The following NRG1 variants were observed in gnomAD, a reference collection of about 807,000 sequenced individuals.
The protein encoded by NRG1 is neuregulin 1, also known as pro-neuregulin-1, membrane-bound isoform.
A neutral mutation model predicts 63.8 loss-of-function variants in NRG1; 18 were observed. That is an observed-to-expected ratio of 0.28 (90% CI 0.19 to 0.42). NRG1 has a LOEUF of 0.42. Among genes scored for constraint, NRG1 ranks in the 10% least tolerant of loss-of-function variants. NRG1 has a pLI of 1.00. For synonymous variants in NRG1, 302 were observed against 301.3 expected (o/e 1.00, Z -0.02); for missense variants, 762 against 814.7 (o/e 0.94, Z 0.79).
In NRG1 at chr8:31,909,231, C is replaced by CCAT. The variant is rs1208338286; in HGVS notation, c.37+269801_37+269803dup. On this transcript the variant is annotated intron_variant, in intron 1 of 10. Coordinates refer to the NRG1 transcript ENST00000519301. ...GAAATAAAACAATAATACTGCCTTA[C>CCAT]CATTGTAGGTCATTTTATAGTTTCC... Among the ~76,000 whole-genome samples, 10 of 152,084 alleles carry CCAT rather than the reference C, an allele frequency of 6.6e-5. 1 individual carries two copies. The highest frequency in any genetic ancestry group is 1.0e-4 in the Non-Finnish European group (7 of 68,016).
chr8:32,673,053 G>A (rs1161618521), intron 5 of NRG1, among the ~76,000 whole-genome samples: 1 of 152,128 alleles, frequency 6.6e-6, no homozygotes, highest in Admixed American at 6.5e-5. Flanking sequence ...CTTGACCATA[G>A]TGTTTATGCC....
intron 1 of NRG1, among the ~76,000 whole-genome samples, chr8:32,490,334 A>C (rs551045712): frequency 1.3e-5 from 2 of 151,596 alleles, no homozygotes; most frequent in Admixed American, 6.6e-5. Flanking sequence ...GCCACACAAC[A>C]GACATACTGA....
intron 1 of NRG1, among the ~76,000 whole-genome samples, chr8:31,710,516 A>G (rs1363161709): frequency 6.6e-6 from 1 of 151,800 alleles, no homozygotes. Flanking sequence ...TATTTCCTGT[A>G]ATTTCAGGTT....
chr8:32,702,683 C>T (rs941445953), intron 5 of NRG1, among the ~76,000 whole-genome samples: 4 of 152,132 alleles, frequency 2.6e-5, no homozygotes, highest in South Asian at 2.1e-4. Context: ...AGAAGGGTTT[C>T]GCTCTGTTGG....
chr8:31,928,580 T>C (rs1834601785), intron 1 of NRG1, among the ~76,000 whole-genome samples: 1 of 151,660 alleles, frequency 6.6e-6, no homozygotes, highest in Non-Finnish European at 1.5e-5. Context: ...CATCTACTGA[T>C]GAGTGGATAA....
intron 1 of NRG1, among the ~76,000 whole-genome samples, chr8:32,448,572 A>G (rs1201254889): frequency 6.6e-6 from 1 of 152,160 alleles, no homozygotes; most frequent in African/African-American, 2.4e-5. Context: ...AAGCACTGGA[A>G]ATGGTTGGCC....
intron 1 of NRG1, among the ~76,000 whole-genome samples, chr8:32,482,578 C>T (rs371686087): frequency 4.5e-4 from 69 of 152,300 alleles, no homozygotes; most frequent in African/African-American, 1.7e-3. Context: ...TCCAACCTCA[C>T]TCCCTTCATT....
In NRG1 at chr8:32,641,136, C is replaced by T. The variant is rs908492251; in HGVS notation, c.502+24251C>T. 4.1e-5 allele frequency among the ~76,000 whole-genome samples: 6 copies of T among 147,084 alleles called. No homozygotes were observed. In the South Asian group the frequency reaches 8.6e-4, roughly 21 times the overall value. On this transcript the variant is annotated intron_variant, in intron 5 of 11. Transcript: ENST00000356819. ...CAGCCTGGGAGAGAGAGTGAAACCC[C>T]GTCTCTAAATATATACATATATATA...
chr8:31,833,682 G>A (rs555209611), intron 1 of NRG1, among the ~76,000 whole-genome samples: 3 of 152,282 alleles, frequency 2.0e-5, no homozygotes, highest in Non-Finnish European at 2.9e-5. Context: ...ATTGCTTAAT[G>A]TCTGTTCTTT....
intron 1 of NRG1, among the ~76,000 whole-genome samples, chr8:32,423,108 C>T (rs1463200962): frequency 1.3e-5 from 2 of 152,262 alleles, no homozygotes. Flanking sequence ...AACAGCACTG[C>T]CCTATAATTG....
chr8:32,244,943 G>C (rs1300010846), intron 1 of NRG1, among the ~76,000 whole-genome samples: 1 of 152,142 alleles, frequency 6.6e-6, no homozygotes, highest in African/African-American at 2.4e-5. Flanking sequence ...ATTCCAAAAG[G>C]TGGGTGGGGA....
chr8:32,344,868 G>A (rs573778072), intron 1 of NRG1, among the ~76,000 whole-genome samples: 1 of 152,212 alleles, frequency 6.6e-6, no homozygotes, highest in Admixed American at 6.5e-5. Flanking sequence ...AATCTATTAT[G>A]TATTCTGCTC....
intron 1 of NRG1, among the ~76,000 whole-genome samples, chr8:31,855,637 G>T (rs1395457344): frequency 6.6e-6 from 1 of 152,132 alleles, no homozygotes; most frequent in Non-Finnish European, 1.5e-5. Flanking sequence ...TGTTATGTGT[G>T]AATTTGATCC....
intron 1 of NRG1, among the ~76,000 whole-genome samples, chr8:32,422,314 T>C (rs1453356646): frequency 2.6e-5 from 4 of 152,212 alleles, no homozygotes; most frequent in Non-Finnish European, 4.4e-5. Context: ...TTGTTCTTTG[T>C]TCCTTTTCTA....
chr8:31,999,160 TAAAG>T (rs1215136902), intron 1 of NRG1, among the ~76,000 whole-genome samples: 1 of 151,926 alleles, frequency 6.6e-6, no homozygotes. Context: ...AATTGACTAA[TAAAG>T]AAATCAATAA....
intron 1 of NRG1, among the ~76,000 whole-genome samples, chr8:32,505,964 CAG>C (rs1177611536): frequency 7.2e-5 from 11 of 152,100 alleles, no homozygotes; most frequent in Non-Finnish European, 1.3e-4. Flanking sequence ...AAAACACAGA[CAG>C]AGGTGAGGCG....
intron 1 of NRG1, among the ~76,000 whole-genome samples, chr8:32,249,763 G>T (rs1586379030): frequency 6.6e-6 from 1 of 152,094 alleles, no homozygotes; most frequent in Admixed American, 6.6e-5. Context: ...AGTAAACAAA[G>T]ATCCCAGTGC....
chr8:32,635,708 T>C (rs1378241057), intron 5 of NRG1, among the ~76,000 whole-genome samples: 2 of 152,182 alleles, frequency 1.3e-5, no homozygotes, highest in Non-Finnish European at 2.9e-5. Flanking sequence ...AATGTAGAGA[T>C]CCCTCTGCTA....
intron 1 of NRG1, among the ~76,000 whole-genome samples, chr8:32,164,247 GA>G (rs112518796): frequency 1.0e-4 from 15 of 149,620 alleles, no homozygotes; most frequent in South Asian, 4.2e-4. Flanking sequence ...CCATCTGAAA[GA>G]AAAAAAAAAA....
Sources: allele counts gnomAD v4.1 joint callset (sites outside exome capture counted in the v4.1 genomes callset), GRCh38; gene constraint gnomAD v4.1.1; transcripts MANE v1.5; gene names NCBI Gene and HGNC (gene_info 2026-07-23, HGNC 2026-07-21).